Variants in INAVA observed in about 807,000 individuals in gnomAD.
INAVA encodes innate immunity activator protein.
Under a neutral mutation model 55.3 loss-of-function variants are expected in INAVA, and 32 were observed. That is an observed-to-expected ratio of 0.58 (90% CI 0.44 to 0.78). INAVA has a LOEUF of 0.78. INAVA is among the 30% of genes least tolerant of loss of function. INAVA has a pLI of 0.00. For synonymous variants in INAVA, 294 were observed against 329.4 expected (o/e 0.89, Z 1.16); for missense variants, 756 against 786.4 (o/e 0.96, Z 0.46).
At position 200,911,810 on chromosome 1, in the gene INAVA, G is replaced by C. The variant is rs778338142; in HGVS notation, c.1317G>C (p.Val439=). The C allele has an allele frequency of 6.2e-7, 1 of 1,607,126 alleles. No individual in the cohort carries two copies. The highest frequency in any genetic ancestry group is 8.5e-7 in the Non-Finnish European group (1 of 1,178,232). ...PGYFPAGRYV[V]VAESPLPPGE... ...ATTTCCCGGCGGGGCGGTACGTGGTGGTGGCTGAGAGCCCCCTGCCGCCTG... is the reference window on the plus strand; with the variant it reads ...ATTTCCCGGCGGGGCGGTACGTGGTCGTGGCTGAGAGCCCCCTGCCGCCTG... Residue 439 remains valine (V), a synonymous_variant, in exon 9 of 10, where the codon GTG becomes GTC. Coordinates refer to ENST00000413687, the MANE Select transcript of INAVA (RefSeq NM_001142569.3).
intron 4 of INAVA, among the ~76,000 whole-genome samples, chr1:200,900,440 GA>G (rs1023433869): frequency 6.6e-6 from 1 of 152,206 alleles, no homozygotes; most frequent in African/African-American, 2.4e-5. Flanking sequence ...CTCAAGGGAG[GA>G]CACTGGGTTT....
rs1298360055 is a variant in INAVA, at chr1:200,913,990, T to A, written c.*361T>A. ...GGGAGTTCTCCAACGCTCTGTGCTC[T>A]GGTTCTAAGAAATTCCCTGGGGAAC... On this transcript the variant is annotated 3_prime_UTR_variant, in exon 10 of 10. Coordinates refer to ENST00000413687, the MANE Select transcript of INAVA (RefSeq NM_001142569.3). 1 of 204,562 alleles carries A rather than the reference T, an allele frequency of 4.9e-6. No individual in the cohort carries two copies. The highest frequency in any genetic ancestry group is 1.2e-4 in the East Asian group (1 of 8,356). 12.7% of individuals were successfully genotyped at this position (204,562 alleles called of 1,614,324 possible).
chr1:200,891,745 G>T (rs758556030), upstream of INAVA: 1 of 1,370,688 alleles, frequency 7.3e-7, no homozygotes, highest in Non-Finnish European at 9.6e-7. Context: ...GTGAACTGGG[G>T]CGGGGGATCG....
At chr1:200,904,677 G>T (rs1172752915) in intron 5 of INAVA, among the ~76,000 whole-genome samples, 2 of 152,092 alleles carry the variant, frequency 1.3e-5, no homozygotes, top group Non-Finnish European at 2.9e-5. Context: ...CTAGGGCAGG[G>T]TTGGGACAGT....
rs1175141990 is a variant in INAVA at position 200,913,660 on chromosome 1, C to G, written c.*31C>G. 1 of 1,576,646 alleles carries G rather than the reference C, an allele frequency of 6.3e-7. No individual in the cohort carries two copies. On this transcript the variant is annotated 3_prime_UTR_variant, in exon 10 of 10. Transcript: ENST00000413687. Reference sequence around the variant, plus strand: ...CGCCCCACGCTGGAAAAAACTGTTTCATAGAGGGGCTGGGCTGAGACCCCC... The same window carrying G: ...CGCCCCACGCTGGAAAAAACTGTTTGATAGAGGGGCTGGGCTGAGACCCCC...
intron 5 of INAVA, among the ~76,000 whole-genome samples, chr1:200,902,781 CG>C (rs1266213741): frequency 6.6e-6 from 1 of 152,238 alleles, no homozygotes; most frequent in Non-Finnish European, 1.5e-5. Flanking sequence ...CCCTGCCCAC[CG>C]GGGCTGCCAT....
chr1:200,902,623 C>A (rs1183609772), intron 5 of INAVA, among the ~76,000 whole-genome samples: 1 of 152,270 alleles, frequency 6.6e-6, no homozygotes, highest in Non-Finnish European at 1.5e-5. Flanking sequence ...TGACAGCAAC[C>A]TTGAAAGGTA....
chr1:200,895,633 C>T (rs957181757), intron 1 of INAVA, among the ~76,000 whole-genome samples: 23 of 152,116 alleles, frequency 1.5e-4, no homozygotes, highest in African/African-American at 5.1e-4. Flanking sequence ...GGTGCCCTCG[C>T]TCTCACCTGT....
At chr1:200,910,816 A>C (rs1016410262) in intron 8 of INAVA, among the ~76,000 whole-genome samples, 1 of 152,238 alleles carries the variant, frequency 6.6e-6, no homozygotes, top group Non-Finnish European at 1.5e-5. Context: ...AGGAAAAGGC[A>C]GACACAGCCC....
upstream of INAVA, among the ~76,000 whole-genome samples, chr1:200,893,121 C>T (rs1417839487): frequency 6.6e-6 from 1 of 152,172 alleles, no homozygotes; most frequent in Non-Finnish European, 1.5e-5. Flanking sequence ...CAACAAATCA[C>T]AGTAGCATTG....
At chr1:200,909,124 A>C (rs1653612566) in intron 7 of INAVA, 100 bp from the exon 8 acceptor site, 1 of 1,400,172 alleles carries the variant, frequency 7.1e-7, no homozygotes, top group Non-Finnish European at 9.6e-7. Context: ...TGCCCTACTA[A>C]CTTTGGGAGC....
Position 200,913,559 on chromosome 1 carries a change from G to A in INAVA, c.1667G>A (p.Arg556Gln), listed in dbSNP as rs143834031. Residue 556 changes from arginine to glutamine, a missense_variant, in exon 10 of 10, where the codon CGG (arginine) becomes CAG (glutamine). Physicochemically the swap from Arg to Gln is conservative, Grantham distance 43. Transcript: ENST00000413687. ...CAGGTGCCCACAGTTTGTGTGCTGC[G>A]GAGATCGCCTGATGGGGCCCCTGTG... ...RAQVPTVCVLRRSPDGAPVQV... is the reference protein window; with the variant it reads ...RAQVPTVCVLQRSPDGAPVQV... The A allele has an allele frequency of 7.4e-4, 1,190 of 1,614,080 alleles. 4 individuals are homozygous for A. The highest frequency in any genetic ancestry group is 5.3e-3 in the Middle Eastern group (32 of 6,058).
chr1:200,911,619 G>T lies in INAVA; in HGVS notation c.1126G>T (p.Val376Phe). ...HSCSEDSGSD[V>F]SSISHPTSPG... is the part of the protein sequence containing the mutation. ...CTGCTCAGAAGACAGTGGCTCTGAC[G>T]TCTCCAGCATCTCCCACCCCACTTC... The change falls in exon 9 of 10, where the codon GTC (valine) becomes TTC (phenylalanine). Residue 376 changes from valine to phenylalanine, a missense_variant. This residue lies in a region of INAVA where 639 missense variants were observed against 624.3 expected (regional missense o/e 1.02). Coordinates refer to ENST00000413687, the MANE Select transcript of INAVA (RefSeq NM_001142569.3). The T allele has an allele frequency of 6.2e-7, 1 of 1,613,978 alleles. No individual in the cohort carries two copies. Among genetic ancestry groups the T allele is most frequent in the Non-Finnish European group, 8.5e-7 (1 of 1,179,948 alleles).
intron 5 of INAVA, among the ~76,000 whole-genome samples, chr1:200,903,497 A>T (rs1309945750): frequency 6.6e-6 from 1 of 151,890 alleles, no homozygotes; most frequent in Non-Finnish European, 1.5e-5. Context: ...CAAAAACAAA[A>T]AACAAAACAA....
rs769547725 is a variant in INAVA at position 200,909,373 on chromosome 1, G to A, written c.935G>A (p.Arg312Lys). 1.2e-6 allele frequency: 2 copies of A among 1,605,326 alleles called. No homozygotes were observed. Among genetic ancestry groups the A allele is most frequent in the East Asian group, 2.2e-5 (1 of 44,640 alleles). The change falls in exon 8 of 10, where the codon AGG becomes AAG. Residue 312 changes from arginine (R) to lysine (K), a missense_variant. By Grantham distance (26) the Arg-to-Lys change is conservative. Transcript: ENST00000413687. ...CCAGCCACCCCTGAGATACAGGGGAGGAGGGGCCAGTCGCAGTCTCTGAGG... is the reference window on the plus strand; with the variant it reads ...CCAGCCACCCCTGAGATACAGGGGAAGAGGGGCCAGTCGCAGTCTCTGAGG... ...SAPATPEIQGRRGQSQSLRVD... is the reference protein window; with the variant it reads ...SAPATPEIQGKRGQSQSLRVD...
Position 200,898,219 on chromosome 1 carries a change from C to T in INAVA, c.-94-88C>T, listed in dbSNP as rs1571860136. 2.1e-6 allele frequency: 3 copies of T among 1,411,456 alleles called. No homozygotes were observed. The African/African-American group carries it at 4.3e-5, about 20-fold the overall frequency. 87.4% of individuals were successfully genotyped at this position (1,411,456 alleles called of 1,614,324 possible). On this transcript the variant is annotated intron_variant, in intron 1 of 9. Transcript: ENST00000413687. ...CTGAAGCACAGTCCTCCCTTCCACTCCCCTGCTCTCAAGCATCTATTCAGC... is the reference window on the plus strand; with the variant it reads ...CTGAAGCACAGTCCTCCCTTCCACTTCCCTGCTCTCAAGCATCTATTCAGC...
Position 200,900,164 on chromosome 1 carries a change from G to A in INAVA, c.241G>A (p.Val81Ile). 6.2e-7 allele frequency: 1 copy of A among 1,614,154 alleles called. No individual in the cohort carries two copies. The change falls in exon 4 of 10, where the codon GTT becomes ATT. Residue 81 changes from valine to isoleucine, a missense_variant. Coordinates refer to ENST00000413687, the MANE Select transcript of INAVA (RefSeq NM_001142569.3). ...PLKPGEKAPK[V>I]RRRIGAAYKL... ...CAAACCAGGGGAAAAGGCCCCCAAGGTTCGCCGCAGGATCGGAGCGGCTTA... is the reference window on the plus strand; with the variant it reads ...CAAACCAGGGGAAAAGGCCCCCAAGATTCGCCGCAGGATCGGAGCGGCTTA...
chr1:200,903,803 C>CAA (rs35993705), intron 5 of INAVA, among the ~76,000 whole-genome samples: 1,094 of 88,908 alleles, frequency 0.012, 28 homozygotes, highest in African/African-American at 0.03. Flanking sequence ...AACTCTGTCT[C>CAA]AAAAAAAAAA....
chr1:200,907,732 T>TG, intron 5 of INAVA, 102 bp from the exon 6 acceptor site: 1 of 843,480 alleles, frequency 1.2e-6, no homozygotes, highest in East Asian at 2.5e-5. Flanking sequence ...GATGCTGTCC[T>TG]GGGGGAGTGA....
Sources: gnomAD v4.1 joint callset for allele counts (sites outside exome capture counted in the v4.1 genomes callset) on GRCh38, gnomAD v4.1.1 for gene constraint, gnomAD v4.1.1 regional missense constraint, MANE v1.5 for transcripts, NCBI Gene and HGNC (gene_info 2026-07-23, HGNC 2026-07-21) for gene names.